The following GALNTL6 variants were observed in gnomAD, a reference collection of about 807,000 sequenced individuals.
The protein encoded by GALNTL6 is polypeptide N-acetylgalactosaminyltransferase like 6.
A neutral mutation model predicts 73.7 loss-of-function variants in GALNTL6; 46 were observed. The ratio of observed to expected loss-of-function variants is 0.62; its 90% CI spans 0.49 to 0.80. GALNTL6 has a LOEUF of 0.80. Among genes scored for constraint, GALNTL6 ranks in the 30% least tolerant of loss-of-function variants. GALNTL6 has a pLI of 0.00. For synonymous variants in GALNTL6, 259 were observed against 263.7 expected, an observed-to-expected ratio of 0.98 and a Z score of 0.17; for missense variants, 604 against 755.0, an observed-to-expected ratio of 0.80 and a Z score of 2.34.
chr4:172,379,880 G>T, intron 5 of GALNTL6: 1 of 488,610 alleles, frequency 2.0e-6, no homozygotes. Flanking sequence ...ACATAGATTT[G>T]CTAATGTGCA....
At chr4:172,842,429 T>C (rs1000821139) in intron 7 of GALNTL6, among the ~76,000 whole-genome samples, 34 of 152,312 alleles carry the variant, frequency 2.2e-4, no homozygotes, top group African/African-American at 7.0e-4. Context: ...CCTGAAGGTC[T>C]ACTAGAGCTT....
At chr4:172,239,866 T>G (rs1183228116) in intron 3 of GALNTL6, among the ~76,000 whole-genome samples, 2 of 152,204 alleles carry the variant, frequency 1.3e-5, no homozygotes, top group Admixed American at 1.3e-4. Flanking sequence ...AGTGTTGAGT[T>G]CAGAATGCTG....
At chr4:172,079,497 T>C (rs575524172) in intron 2 of GALNTL6, among the ~76,000 whole-genome samples, 1 of 152,262 alleles carries the variant, frequency 6.6e-6, no homozygotes, top group African/African-American at 2.4e-5. Context: ...AATACTTACA[T>C]TTAAAATGGT....
At chr4:172,958,845 C>G (rs201772799) in intron 10 of GALNTL6, among the ~76,000 whole-genome samples, 9 of 152,166 alleles carry the variant, frequency 5.9e-5, no homozygotes, top group Middle Eastern at 3.4e-3. Flanking sequence ...GTAAAGAAAG[C>G]ATGTTTGAGA....
intron 2 of GALNTL6, among the ~76,000 whole-genome samples, chr4:172,051,540 G>C (rs1730866301): frequency 6.6e-6 from 1 of 152,066 alleles, no homozygotes; most frequent in African/African-American, 2.4e-5. Flanking sequence ...CCCAGTGGCT[G>C]ATCTCCTCTC....
At chr4:172,841,743 T>C (rs1457158653) in intron 7 of GALNTL6, among the ~76,000 whole-genome samples, 3 of 152,202 alleles carry the variant, frequency 2.0e-5, no homozygotes, top group Admixed American at 2.0e-4. Context: ...ACCTCCATAA[T>C]CCAATCACTT....
chr4:173,019,438 T>A (rs916456814), intron 11 of GALNTL6, among the ~76,000 whole-genome samples: 1 of 151,608 alleles, frequency 6.6e-6, no homozygotes, highest in Admixed American at 6.6e-5. Flanking sequence ...AAAGAGAGGG[T>A]GGTGAGACAG....
At chr4:172,029,755 TATTC>T (rs1237306089) in intron 2 of GALNTL6, among the ~76,000 whole-genome samples, 1 of 151,882 alleles carries the variant, frequency 6.6e-6, no homozygotes, top group East Asian at 1.9e-4. Context: ...AAAAGAAAAA[TATTC>T]AAACAATTAT....
At chr4:172,872,630 T>TCTTTGGA (rs1561005579) in intron 7 of GALNTL6, among the ~76,000 whole-genome samples, 1 of 152,174 alleles carries the variant, frequency 6.6e-6, no homozygotes, top group Non-Finnish European at 1.5e-5. Context: ...AAAGAGTAAC[T>TCTTTGGA]ACAAGAAACA....
chr4:172,243,459 A>G (rs965094666), intron 3 of GALNTL6, among the ~76,000 whole-genome samples: 17 of 152,148 alleles, frequency 1.1e-4, no homozygotes, highest in African/African-American at 3.6e-4. Flanking sequence ...CAATTGTCCA[A>G]GGGCTCTAAG....
chr4:172,364,947 A>C (rs1407938773), intron 5 of GALNTL6, among the ~76,000 whole-genome samples: 1 of 152,214 alleles, frequency 6.6e-6, no homozygotes, highest in Non-Finnish European at 1.5e-5. Flanking sequence ...GTAGACTATA[A>C]GTTCCATAAA....
chr4:171,930,759 C>A (rs1163436479), intron 2 of GALNTL6, among the ~76,000 whole-genome samples: 5 of 152,144 alleles, frequency 3.3e-5, no homozygotes, highest in African/African-American at 9.7e-5. Context: ...CACTTGAACC[C>A]AGGAGGCAGA....
At chr4:172,960,429 A>G (rs549996895) in intron 10 of GALNTL6, among the ~76,000 whole-genome samples, 3 of 152,264 alleles carry the variant, frequency 2.0e-5, no homozygotes, top group South Asian at 2.1e-4. Flanking sequence ...AGCAGAGGCT[A>G]AGGAAGAATT....
At chr4:172,090,799 A>T (rs973685188) in intron 2 of GALNTL6, among the ~76,000 whole-genome samples, 4 of 151,784 alleles carry the variant, frequency 2.6e-5, no homozygotes, top group Non-Finnish European at 5.9e-5. Flanking sequence ...TATTGCCTAG[A>T]TTTTCTTCTA....
At chr4:171,975,190 T>C (rs911430851) in intron 2 of GALNTL6, among the ~76,000 whole-genome samples, 1 of 152,184 alleles carries the variant, frequency 6.6e-6, no homozygotes, top group Non-Finnish European at 1.5e-5. Flanking sequence ...ATTATAGGTA[T>C]TCCCATTTCC....
At chr4:172,337,950 C>G (rs867786189) in intron 4 of GALNTL6, among the ~76,000 whole-genome samples, 1 of 151,750 alleles carries the variant, frequency 6.6e-6, no homozygotes, top group Non-Finnish European at 1.5e-5. Flanking sequence ...CCATGTTTCT[C>G]GAAGACTTAA....
chr4:173,000,016 A>C (rs1355981095), intron 10 of GALNTL6, among the ~76,000 whole-genome samples: 1 of 152,164 alleles, frequency 6.6e-6, no homozygotes, highest in Non-Finnish European at 1.5e-5. Flanking sequence ...ACAAAATGGC[A>C]CCAATACACT....
intron 3 of GALNTL6, among the ~76,000 whole-genome samples, chr4:172,256,653 ACT>A (rs1353004230): frequency 2.0e-5 from 3 of 150,550 alleles, no homozygotes; most frequent in African/African-American, 7.3e-5. Context: ...CTTTCCACTG[ACT>A]CTTTTCTCTA....
intron 2 of GALNTL6, among the ~76,000 whole-genome samples, chr4:171,849,085 C>T (rs1735451865): frequency 6.6e-6 from 1 of 152,176 alleles, no homozygotes; most frequent in South Asian, 2.1e-4. Flanking sequence ...CCAACTGGCA[C>T]AAGAGACCCA....
Sources: allele counts gnomAD v4.1 joint callset (sites outside exome capture counted in the v4.1 genomes callset), GRCh38; gene constraint gnomAD v4.1.1; transcripts MANE v1.5; gene names NCBI Gene and HGNC (gene_info 2026-07-23, HGNC 2026-07-21).